DLG1: variants seen among roughly 807,000 people sequenced by gnomAD.
DLG1 encodes discs large MAGUK scaffold protein 1.
Under a neutral mutation model 123.4 loss-of-function variants are expected in DLG1, and 42 were observed. The observed-to-expected ratio is 0.34, with a 90% CI of 0.27 to 0.44. The LOEUF is 0.44. Among genes scored for constraint, DLG1 ranks in the 20% least tolerant of loss-of-function variants. The pLI is 1.00. For synonymous variants in DLG1, 317 were observed against 356.2 expected, an observed-to-expected ratio of 0.89 and a Z score of 1.24; for missense variants, 942 against 1,082.6, an observed-to-expected ratio of 0.87 and a Z score of 1.82.
chr3:197,235,312 G>T (rs1263305765), intron 4 of DLG1, among the ~76,000 whole-genome samples: 2 of 152,214 alleles, frequency 1.3e-5, no homozygotes, highest in Non-Finnish European at 2.9e-5. Flanking sequence ...AAAGAAGAAG[G>T]CTAAGCAGAA....
In DLG1 at chr3:197,117,084, A is replaced by G. The variant is rs1242103956; in HGVS notation, c.1287-1001T>C. ...TTTCAAATAATGTAAGCACATGAAAAGGTGCTCAACATCATCAGTCACTAG... is the reference window on the plus strand; with the variant it reads ...TTTCAAATAATGTAAGCACATGAAAGGGTGCTCAACATCATCAGTCACTAG... On this transcript the variant is annotated intron_variant, in intron 12 of 24. Coordinates refer to ENST00000667157, the MANE Select transcript of DLG1 (RefSeq NM_001366207.1). Among the ~76,000 whole-genome samples, 3 of 152,200 alleles carry G rather than the reference A, an allele frequency of 2.0e-5. No individual in the cohort carries two copies. In the East Asian group the frequency reaches 5.8e-4, roughly 29 times the overall value.
In DLG1 at chr3:197,060,823, GTTTT is replaced by G. The variant is rs545150380; in HGVS notation, c.2374-829_2374-826del. On this transcript the variant is annotated intron_variant, in intron 22 of 24. Coordinates refer to ENST00000667157, the MANE Select transcript of DLG1 (RefSeq NM_001366207.1). ...GGCCCTCCCCGATAATGCAACTTCA[GTTTT>G]TTGTTTGTTTGTTTTTGAGACGAAG... Among the ~76,000 whole-genome samples the G allele has an allele frequency of 9.5e-4, 144 of 152,284 alleles. 1 individual carries two copies. The highest frequency in any genetic ancestry group is 3.2e-3 in the African/African-American group (135 of 41,558).
At chr3:197,077,270 G>T (rs534943608) in intron 17 of DLG1, among the ~76,000 whole-genome samples, 4 of 151,530 alleles carry the variant, frequency 2.6e-5, no homozygotes, top group Non-Finnish European at 5.9e-5. Flanking sequence ...CATATTCTTG[G>T]AAGAGGATAA....
intron 11 of DLG1, among the ~76,000 whole-genome samples, chr3:197,123,536 AAAT>A (rs756858730): frequency 4.2e-4 from 64 of 152,254 alleles, no homozygotes; most frequent in Non-Finnish European, 2.4e-4. Context: ...ATAAATGAAT[AAAT>A]AATAATCATT....
Position 197,056,924 on chromosome 3 carries a change from C to T in DLG1, c.2483+2965G>A, listed in dbSNP as rs374294804. Among the ~76,000 whole-genome samples the T allele has an allele frequency of 2.0e-4, 30 of 152,302 alleles. No individual in the cohort carries two copies. In the South Asian group the frequency reaches 2.3e-3, roughly 12 times the overall value. On this transcript the variant is annotated intron_variant, in intron 23 of 24. Coordinates refer to ENST00000667157, the MANE Select transcript of DLG1 (RefSeq NM_001366207.1). ...TTTAGGTCTGGGTTTTTGTTTTTAA[C>T]TCAAATTGTACTTGTGAGATTCTTC...
intron 4 of DLG1, among the ~76,000 whole-genome samples, chr3:197,280,807 TA>T (rs1209014119): frequency 6.6e-6 from 1 of 152,126 alleles, no homozygotes; most frequent in East Asian, 1.9e-4. Flanking sequence ...ACTAAGACAA[TA>T]AATGTGAAAT....
intron 13 of DLG1, among the ~76,000 whole-genome samples, chr3:197,108,846 C>T (rs891538304): frequency 3.9e-5 from 6 of 152,070 alleles, no homozygotes; most frequent in African/African-American, 1.5e-4. Context: ...AACTGGAGTG[C>T]TTAATCTGTT....
chr3:197,298,654 T>C, upstream of DLG1: 1 of 169,212 alleles, frequency 5.9e-6, no homozygotes, highest in Non-Finnish European at 1.2e-5. Flanking sequence ...AGGAGCCAAC[T>C]GCACCTCCCA....
At chr3:197,176,118 CAT>C in intron 5 of DLG1, among the ~76,000 whole-genome samples, 1 of 152,218 alleles carries the variant, frequency 6.6e-6, no homozygotes, top group African/African-American at 2.4e-5. Flanking sequence ...GACCTTATAT[CAT>C]AAATTTCAAA....
chr3:197,168,323 C>T (rs1577399466), intron 5 of DLG1, among the ~76,000 whole-genome samples: 1 of 152,220 alleles, frequency 6.6e-6, no homozygotes, highest in Admixed American at 6.5e-5. Flanking sequence ...CGCATCAACA[C>T]ACACAATTCC....
At chr3:197,296,644 A>T in intron 2 of DLG1, 167 bp from the exon 3 acceptor site, 2 of 504,812 alleles carry the variant, frequency 4.0e-6, no homozygotes, top group Non-Finnish European at 6.8e-6. Flanking sequence ...CCAAAAAATA[A>T]AAAAAAAAAT....
At chr3:197,069,075 C>A in intron 19 of DLG1, 144 bp downstream of exon 19, 1 of 465,276 alleles carries the variant, frequency 2.1e-6, no homozygotes, top group Non-Finnish European at 3.8e-6. Flanking sequence ...TTTTCAAGTA[C>A]AGAATTTTAC....
chr3:197,253,990 C>A (rs1388240962), intron 4 of DLG1, among the ~76,000 whole-genome samples: 1 of 151,760 alleles, frequency 6.6e-6, no homozygotes, highest in Non-Finnish European at 1.5e-5. Flanking sequence ...AAGAAAGAAG[C>A]CTTTTGTAAG....
In DLG1 at chr3:197,166,462, T is replaced by C. The variant is rs182288826; in HGVS notation, c.484-16666A>G. ...ATATAGATAAATACAAAAATAAATA[T>C]AGACATAAATGTGTGTGTATATATG... On this transcript the variant is annotated intron_variant, in intron 5 of 24. Coordinates refer to ENST00000667157, the MANE Select transcript of DLG1 (RefSeq NM_001366207.1). Among the ~76,000 whole-genome samples the C allele has an allele frequency of 3.3e-5, 5 of 152,262 alleles. No homozygotes were observed. The East Asian group carries it at 5.8e-4, about 18-fold the overall frequency.
At chr3:197,063,775 T>C (rs1737469891) in intron 22 of DLG1, among the ~76,000 whole-genome samples, 1 of 152,140 alleles carries the variant, frequency 6.6e-6, no homozygotes, top group African/African-American at 2.4e-5. Flanking sequence ...CTGCTAGATA[T>C]TGCCAAATAC....
intron 4 of DLG1, among the ~76,000 whole-genome samples, chr3:197,213,308 C>T (rs1732222283): frequency 6.6e-6 from 1 of 152,000 alleles, no homozygotes; most frequent in South Asian, 2.1e-4. Flanking sequence ...TAAAAAGACA[C>T]TAAAGAGTCT....
chr3:197,175,084 C>A (rs1806289238), intron 5 of DLG1, among the ~76,000 whole-genome samples: 2 of 152,160 alleles, frequency 1.3e-5, no homozygotes, highest in Non-Finnish European at 2.9e-5. Context: ...CCTGGAGGGG[C>A]AAGTTGCGTG....
At chr3:197,207,231 G>A (rs997617051) in intron 4 of DLG1, among the ~76,000 whole-genome samples, 19 of 152,114 alleles carry the variant, frequency 1.2e-4, no homozygotes, top group African/African-American at 4.3e-4. Flanking sequence ...CAAACTTTAC[G>A]CAAAGTTAAA....
At chr3:197,284,043 T>A (rs1424325608) in intron 3 of DLG1, among the ~76,000 whole-genome samples, 2 of 151,974 alleles carry the variant, frequency 1.3e-5, no homozygotes, top group African/African-American at 4.8e-5. Context: ...GTACTTTTAG[T>A]AGAGACAGGG....
Sources: gnomAD v4.1 joint callset for allele counts (sites outside exome capture counted in the v4.1 genomes callset) on GRCh38, gnomAD v4.1.1 for gene constraint, MANE v1.5 for transcripts, NCBI Gene and HGNC (gene_info 2026-07-23, HGNC 2026-07-21) for gene names.